CD163L1: variants seen among roughly 807,000 people sequenced by gnomAD.
CD163L1 encodes the protein CD163 molecule like 1, also known as scavenger receptor cysteine-rich type 1 protein M160.
In CD163L1, 124 loss-of-function variants were observed where a neutral mutation model predicts 165.4. That is an observed-to-expected ratio of 0.75 (90% CI 0.65 to 0.87). The LOEUF (loss-of-function observed/expected upper bound fraction) is 0.87. CD163L1 is among the 40% of genes least tolerant of loss of function. The pLI is 0.00. For missense variants in CD163L1, 1,525 were observed against 1,799.9 expected (o/e 0.85, Z 2.76); for synonymous variants, 585 against 662.2 (o/e 0.88, Z 1.79).
intron 6 of CD163L1, among the ~76,000 whole-genome samples, chr12:7,402,537 A>T (rs1947934759): frequency 6.6e-6 from 1 of 151,948 alleles, no homozygotes; most frequent in Admixed American, 6.6e-5. Context: ...CTCCCCAGAC[A>T]CCTGTGCACC....
chr12:7,363,113 C>T (rs1472791279), intron 18 of CD163L1, among the ~76,000 whole-genome samples: 2 of 151,638 alleles, frequency 1.3e-5, no homozygotes, highest in Non-Finnish European at 2.9e-5. Context: ...GAGACCAGCC[C>T]GACCAACATA....
Position 7,403,836 on chromosome 12 carries a change from C to T in CD163L1, c.1107G>A (p.Leu369=). The change falls in exon 6 of 20, where the codon CTG becomes CTA. Residue 369 remains leucine, a synonymous_variant. Coordinates refer to ENST00000313599, the MANE Select transcript of CD163L1 (RefSeq NM_174941.6). ...AATTGTTACTTCCATCTGCTAGTCG[C>T]AGTTCCAAATCTGCTCCATCTAGGA... is the stretch of plus-strand genomic sequence containing the variant. ...VICSDGADLE[L]RLADGSNNCS... The T allele has an allele frequency of 6.2e-7, 1 of 1,613,364 alleles. No homozygotes were observed. The highest frequency in any genetic ancestry group is 8.5e-7 in the Non-Finnish European group (1 of 1,179,726).
intron 1 of CD163L1, among the ~76,000 whole-genome samples, chr12:7,442,061 A>G (rs956173279): frequency 6.6e-6 from 1 of 152,236 alleles, no homozygotes; most frequent in Non-Finnish European, 1.5e-5. Context: ...AATAAATAAA[A>G]TTTACATTAT....
the CD163L1 span, among the ~76,000 whole-genome samples, chr12:7,336,413 A>G: frequency 6.6e-6 from 1 of 152,180 alleles, no homozygotes; most frequent in Admixed American, 6.5e-5. Context: ...CGAGGACAAA[A>G]AACCAAACAC....
the CD163L1 span, among the ~76,000 whole-genome samples, chr12:7,335,657 TG>T: frequency 6.6e-6 from 1 of 152,082 alleles, no homozygotes; most frequent in East Asian, 1.9e-4. Context: ...AATTGACAAA[TG>T]GGATCTAATT....
Position 7,403,794 on chromosome 12 carries a change from C to G in CD163L1, c.1149G>C (p.Glu383Asp), listed in dbSNP as rs1252245287. 1.2e-6 allele frequency: 2 copies of G among 1,613,794 alleles called. No homozygotes were observed. Among genetic ancestry groups the G allele is most frequent in the East Asian group, 2.2e-5 (1 of 44,878 alleles). The part of the protein sequence containing the change: ...DGSNNCSGRV[E>D]VRIHEQWWTI... Reference sequence around the variant, plus strand: ...TCCACCACTGTTCATGAATTCTCACCTCTACTCTCCCTGAACAATTGTTAC... The same window carrying G: ...TCCACCACTGTTCATGAATTCTCACGTCTACTCTCCCTGAACAATTGTTAC... The change falls in exon 6 of 20, where the codon GAG becomes GAC. Residue 383 changes from glutamate to aspartate, a missense_variant. By Grantham distance (45) the Glu-to-Asp change is conservative. Transcript: ENST00000313599.
At chr12:7,335,618 A>T in the CD163L1 span, among the ~76,000 whole-genome samples, 1 of 152,214 alleles carries the variant, frequency 6.6e-6, no homozygotes, top group East Asian at 1.9e-4. Context: ...CATGTTTAAA[A>T]CACCAAAAGC....
At chr12:7,335,676 A>G in the CD163L1 span, among the ~76,000 whole-genome samples, 1 of 152,212 alleles carries the variant, frequency 6.6e-6, no homozygotes, top group African/African-American at 2.4e-5. Context: ...ATTAAACTAA[A>G]GAGCTTCTGC....
intron 18 of CD163L1, 80 bp downstream of exon 18, chr12:7,367,156 G>A (rs1947039550): frequency 1.3e-6 from 1 of 757,908 alleles, no homozygotes; most frequent in Admixed American, 2.1e-5. Context: ...TCTCCATCGA[G>A]TGGGAGTTCC....
At chr12:7,403,040 A>G (rs10772247) in intron 6 of CD163L1, among the ~76,000 whole-genome samples, 79,539 of 151,960 alleles carry the variant, frequency 0.52, 25,641 homozygotes, top group Non-Finnish European at 0.73. Flanking sequence ...TTTGTTTTCA[A>G]TTCTACTAAT....
chr12:7,369,511 G>A lies in CD163L1; in HGVS notation c.3885C>T (p.Ala1295=), dbSNP rs1377116920. The A allele has an allele frequency of 6.2e-7, 1 of 1,614,074 alleles. No individual in the cohort carries two copies. Among genetic ancestry groups the A allele is most frequent in the Admixed American group, 1.7e-5 (1 of 60,020 alleles). Residue 1295 remains alanine (A), a synonymous_variant, in exon 15 of 20, where the codon GCC becomes GCT. Coordinates refer to ENST00000313599, the MANE Select transcript of CD163L1 (RefSeq NM_174941.6). This position sits in a 1 kb window ranked among gnomAD's most constrained non-coding sequence, Gnocchi z 4.9. ...QQLGCGSALA[A]LRDASFGQGT... is the part of the protein sequence containing the mutation. ...CCTGGCCAAACGAAGCGTCCCTCAGGGCAGCCAGAGCAGAGCCACAGCCCA... is the reference window on the plus strand; with the variant it reads ...CCTGGCCAAACGAAGCGTCCCTCAGAGCAGCCAGAGCAGAGCCACAGCCCA...
At chr12:7,399,574 TTC>T (rs966687472) in intron 6 of CD163L1, among the ~76,000 whole-genome samples, 5 of 120,524 alleles carry the variant, frequency 4.1e-5, no homozygotes, top group Non-Finnish European at 7.8e-5. Flanking sequence ...CTTTCTTTCC[TTC>T]TCTCTCTCTC....
At chr12:7,324,322 C>T in the CD163L1 span, 1 of 1,613,884 alleles carries the variant, frequency 6.2e-7, no homozygotes, top group Admixed American at 1.7e-5. Context: ...TTTTATGTCA[C>T]TGGAGACAGA....
downstream of CD163L1, among the ~76,000 whole-genome samples, chr12:7,350,043 C>T (rs1175618037): frequency 6.6e-6 from 1 of 152,126 alleles, no homozygotes; most frequent in Non-Finnish European, 1.5e-5. Flanking sequence ...TCTCTGAGCT[C>T]CCAGAAGCAG....
At chr12:7,380,843 G>A (rs1259356418) in intron 8 of CD163L1, among the ~76,000 whole-genome samples, 1 of 152,112 alleles carries the variant, frequency 6.6e-6, no homozygotes, top group Non-Finnish European at 1.5e-5. Flanking sequence ...GAGCCTAATT[G>A]AAAGAGTCAG....
chr12:7,424,288 TA>T (rs140177404), intron 4 of CD163L1, among the ~76,000 whole-genome samples: 133,898 of 146,740 alleles, frequency 0.91, 61,248 homozygotes, highest in African/African-American at 0.95. Flanking sequence ...CCCTTCATGG[TA>T]AAAAAAAAAA....
downstream of CD163L1, among the ~76,000 whole-genome samples, chr12:7,344,479 C>T (rs1946656457): frequency 6.6e-6 from 1 of 152,208 alleles, no homozygotes; most frequent in African/African-American, 2.4e-5. Flanking sequence ...GCTTCCAAGG[C>T]CTTGGGCAGC....
chr12:7,429,070 T>G (rs1238247084), intron 4 of CD163L1, among the ~76,000 whole-genome samples: 1 of 152,072 alleles, frequency 6.6e-6, no homozygotes, highest in Non-Finnish European at 1.5e-5. Context: ...TAGCAAAGTT[T>G]AATAAACAAG....
the CD163L1 span, among the ~76,000 whole-genome samples, chr12:7,335,299 G>T: frequency 6.6e-6 from 1 of 152,132 alleles, no homozygotes. Context: ...CAGATATATA[G>T]ACCAATGGAA....
Sources: allele counts gnomAD v4.1 joint callset (sites outside exome capture counted in the v4.1 genomes callset), GRCh38; gene constraint gnomAD v4.1.1; non-coding constraint Gnocchi (gnomAD v3.1); transcripts MANE v1.5; gene names NCBI Gene and HGNC (gene_info 2026-07-23, HGNC 2026-07-21).